The following ST3GAL2 variants were observed in gnomAD, a reference collection of about 807,000 sequenced individuals.
ST3GAL2 encodes the protein CMP-N-acetylneuraminate-beta-galactosamide-alpha-2,3-sialyltransferase 2.
Under a neutral mutation model 37.5 loss-of-function variants are expected in ST3GAL2, and 16 were observed. That is an observed-to-expected ratio of 0.43 (90% CI 0.29 to 0.65). The LOEUF is 0.65. Among genes scored for constraint, ST3GAL2 ranks in the 30% least tolerant of loss-of-function variants. The pLI is 0.17. For missense variants in ST3GAL2, 383 were observed against 487.8 expected (o/e 0.79, Z 2.02); for synonymous variants, 238 against 202.9 (o/e 1.17, Z -1.47).
chr16:70,398,526 T>C lies in ST3GAL2; in HGVS notation c.5A>G (p.Lys2Arg). 6.3e-7 allele frequency: 1 copy of C among 1,598,298 alleles called. No homozygotes were observed. Among genetic ancestry groups the C allele is most frequent in the Non-Finnish European group, 8.5e-7 (1 of 1,171,668 alleles). The change falls in exon 2 of 7, where the codon AAG becomes AGG. Residue 2 changes from lysine to arginine, a missense_variant. This residue lies in a region of ST3GAL2 where 223 missense variants were observed against 239.1 expected (regional missense o/e 0.93). Coordinates refer to ENST00000342907, the MANE Select transcript of ST3GAL2 (RefSeq NM_006927.4). M[K>R]CSLRVWFLSV... ...GAGGAACCACACCCGCAGGGAGCACTTCATGGTGCCGGCAGGCGGGTGACG... is the reference window on the plus strand; with the variant it reads ...GAGGAACCACACCCGCAGGGAGCACCTCATGGTGCCGGCAGGCGGGTGACG...
At chr16:70,416,205 T>A (rs970571315) in intron 1 of ST3GAL2, among the ~76,000 whole-genome samples, 1 of 152,218 alleles carries the variant, frequency 6.6e-6, no homozygotes, top group Non-Finnish European at 1.5e-5. Context: ...CAGCTGCTAA[T>A]GTATTTCAAA....
chr16:70,402,282 T>TAA (rs1300526871), intron 1 of ST3GAL2, among the ~76,000 whole-genome samples: 1 of 47,978 alleles, frequency 2.1e-5, no homozygotes, highest in Admixed American at 2.9e-4. Flanking sequence ...AAACTATTTC[T>TAA]CAAAAAAAAA....
In ST3GAL2 at chr16:70,388,411, G is replaced by A. The variant is rs1269725999; in HGVS notation, c.669C>T (p.Asp223=). ...SFVLVPFKVL[D]LLWIASALST... is the part of the protein sequence containing the mutation. ...ACAAGGCGCTGGCGATCCACAGAAG[G>A]TCCAGGACCTTGAAGGGCACCAGCA... is the stretch of plus-strand genomic sequence containing the variant. Residue 223 remains aspartate, a synonymous_variant, in exon 4 of 7, where the codon GAC becomes GAT. Coordinates refer to ENST00000342907, the MANE Select transcript of ST3GAL2 (RefSeq NM_006927.4). 2 of 1,614,166 alleles carry A rather than the reference G, an allele frequency of 1.2e-6. No homozygotes were observed. The highest frequency in any genetic ancestry group is 4.5e-5 in the East Asian group (2 of 44,886).
chr16:70,435,987 A>G (rs1054915172), intron 1 of ST3GAL2, among the ~76,000 whole-genome samples: 19 of 150,182 alleles, frequency 1.3e-4, no homozygotes, highest in African/African-American at 4.4e-4. Flanking sequence ...TCAGCCGGGC[A>G]TGGTGGCAGA....
chr16:70,386,781 G>C (rs1237720162), intron 4 of ST3GAL2, among the ~76,000 whole-genome samples: 2 of 152,058 alleles, frequency 1.3e-5, no homozygotes, highest in African/African-American at 4.8e-5. Flanking sequence ...GAGTAGCTGA[G>C]ATTACAGGCG....
intron 1 of ST3GAL2, among the ~76,000 whole-genome samples, chr16:70,424,923 G>A (rs1233491211): frequency 6.6e-6 from 1 of 152,182 alleles, no homozygotes; most frequent in Non-Finnish European, 1.5e-5. Context: ...TGGAGTCTGT[G>A]TCCAAACCTG....
intron 1 of ST3GAL2, among the ~76,000 whole-genome samples, chr16:70,414,024 G>T (rs1241217346): frequency 6.6e-6 from 1 of 151,936 alleles, no homozygotes. Flanking sequence ...TGAGTGTGGT[G>T]GGGGGTAGAA....
Position 70,439,039 on chromosome 16 carries a change from G to GCCA in ST3GAL2, c.-1095_-1094insTGG. On this transcript the variant is annotated 5_prime_UTR_variant, in exon 1 of 7. Coordinates refer to ENST00000342907, the MANE Select transcript of ST3GAL2 (RefSeq NM_006927.4). ...GAAAGCCGTCGCCGCCGCCGCCGCC[G>GCCA]CCGCCGCCGTCGTCCGGACCCGTTA... 6.2e-6 allele frequency: 1 copy of GCCA among 161,818 alleles called. No homozygotes were observed. Among genetic ancestry groups the GCCA allele is most frequent in the Non-Finnish European group, 1.3e-5 (1 of 78,596 alleles). The allele number at this position is 161,818 out of a possible 1,614,324, so 10.0% of individuals were successfully genotyped here.
At chr16:70,388,288 C>T in intron 4 of ST3GAL2, 79 bp downstream of exon 4, 1 of 1,571,600 alleles carries the variant, frequency 6.4e-7, no homozygotes. Flanking sequence ...TGAAAGGAAT[C>T]CTACAATCTG....
At chr16:70,430,151 AG>A (rs913108231) in intron 1 of ST3GAL2, among the ~76,000 whole-genome samples, 3 of 152,186 alleles carry the variant, frequency 2.0e-5, no homozygotes, top group Non-Finnish European at 4.4e-5. Context: ...CTGCCAACAG[AG>A]GGCCAGCAGG....
intron 1 of ST3GAL2, among the ~76,000 whole-genome samples, chr16:70,411,987 T>C (rs1459847631): frequency 1.4e-5 from 2 of 146,052 alleles, no homozygotes; most frequent in African/African-American, 5.2e-5. Context: ...AGAGCGAAAC[T>C]CCGTCTCAAA....
At chr16:70,388,174 C>T (rs138630130) in intron 4 of ST3GAL2, among the ~76,000 whole-genome samples, 193 bp downstream of exon 4, 2 of 152,082 alleles carry the variant, frequency 1.3e-5, no homozygotes, top group African/African-American at 2.4e-5. Context: ...CATCAATATG[C>T]TGTGTCACCA....
At chr16:70,411,410 C>T (rs1350984058) in intron 1 of ST3GAL2, among the ~76,000 whole-genome samples, 1 of 151,868 alleles carries the variant, frequency 6.6e-6, no homozygotes, top group Non-Finnish European at 1.5e-5. Context: ...AGCAGCAGCA[C>T]ATGAAGAAAA....
chr16:70,414,643 A>C (rs1014719708), intron 1 of ST3GAL2, among the ~76,000 whole-genome samples: 1 of 152,178 alleles, frequency 6.6e-6, no homozygotes, highest in African/African-American at 2.4e-5. Context: ...CAAGCAGCCA[A>C]GCAGGTTACT....
chr16:70,414,727 C>T (rs144584470), intron 1 of ST3GAL2, among the ~76,000 whole-genome samples: 291 of 152,250 alleles, frequency 1.9e-3, no homozygotes, highest in East Asian at 0.015. Flanking sequence ...GGCTGTAGTG[C>T]GGTAGTGTGA....
intron 1 of ST3GAL2, among the ~76,000 whole-genome samples, chr16:70,402,567 G>C (rs77275763): frequency 0.016 from 2,494 of 152,292 alleles, 58 homozygotes; most frequent in African/African-American, 0.056. Flanking sequence ...TCCTCTGGAG[G>C]GGGAAGAGAG....
intron 1 of ST3GAL2, among the ~76,000 whole-genome samples, chr16:70,422,183 T>C (rs956588081): frequency 1.3e-5 from 2 of 152,216 alleles, no homozygotes; most frequent in African/African-American, 4.8e-5. Context: ...CTCTCTGGGC[T>C]GCAGGTCCTC....
At chr16:70,404,906 G>A (rs771256493) in intron 1 of ST3GAL2, among the ~76,000 whole-genome samples, 12 of 151,948 alleles carry the variant, frequency 7.9e-5, no homozygotes, top group African/African-American at 1.2e-4. Context: ...GCTGGCGTGC[G>A]CCTGTAGTCC....
At chr16:70,381,960 C>T in intron 6 of ST3GAL2, 98 bp from the exon 7 acceptor site, 1 of 1,508,318 alleles carries the variant, frequency 6.6e-7, no homozygotes, top group South Asian at 1.2e-5. Flanking sequence ...ACGGGAGGCC[C>T]CGGGGAGATG....
Sources: gnomAD v4.1 joint callset for allele counts (sites outside exome capture counted in the v4.1 genomes callset) on GRCh38, gnomAD v4.1.1 for gene constraint, gnomAD v4.1.1 regional missense constraint, MANE v1.5 for transcripts, NCBI Gene and HGNC (gene_info 2026-07-23, HGNC 2026-07-21) for gene names.